The following DPP6 variants were observed in gnomAD, a reference collection of about 807,000 sequenced individuals.
The protein encoded by DPP6 is dipeptidyl peptidase like 6, also known as A-type potassium channel modulatory protein DPP6.
A neutral mutation model predicts 122.6 loss-of-function variants in DPP6; 69 were observed. That is an observed-to-expected ratio of 0.56 (90% CI 0.46 to 0.69). The LOEUF (loss-of-function observed/expected upper bound fraction) is 0.69, where lower values mean the gene tolerates loss of function less well. Among genes scored for constraint, DPP6 ranks in the 30% least tolerant of loss-of-function variants. The pLI, the probability that DPP6 is intolerant of heterozygous loss-of-function variation, is 0.00. For synonymous variants in DPP6, 418 were observed against 433.1 expected (o/e 0.97, Z 0.43); for missense variants, 928 against 1,116.9 (o/e 0.83, Z 2.41).
chr7:154,177,376 CTG>C (rs1382456435), intron 1 of DPP6, among the ~76,000 whole-genome samples: 1 of 152,146 alleles, frequency 6.6e-6, no homozygotes, highest in Non-Finnish European at 1.5e-5. Flanking sequence ...AGACATATGA[CTG>C]TAAGTGTTAA....
At chr7:154,446,990 G>T (rs1307018139) in intron 2 of DPP6, among the ~76,000 whole-genome samples, 3 of 152,176 alleles carry the variant, frequency 2.0e-5, no homozygotes, top group Non-Finnish European at 2.9e-5. Flanking sequence ...ATTAGGGAGA[G>T]AAGAAAGCCT....
intron 1 of DPP6, among the ~76,000 whole-genome samples, chr7:154,031,512 A>T (rs1023275566): frequency 6.6e-6 from 1 of 152,018 alleles, no homozygotes; most frequent in Non-Finnish European, 1.5e-5. Flanking sequence ...AGATATTCCC[A>T]TATCACAGTG....
At chr7:153,836,080 C>G in the DPP6 span, among the ~76,000 whole-genome samples, 1 of 152,248 alleles carries the variant, frequency 6.6e-6, no homozygotes. Flanking sequence ...TCTTCCTTAT[C>G]TGATCTCCAA....
chr7:154,593,724 C>T lies in DPP6; in HGVS notation c.627+26808C>T, dbSNP rs747822290. 7.2e-4 allele frequency among the ~76,000 whole-genome samples: 110 copies of T among 152,306 alleles called. 1 individual carries two copies. Among genetic ancestry groups the T allele is most frequent in the Non-Finnish European group, 1.4e-3 (97 of 68,022 alleles). Reference sequence around the variant, plus strand: ...CACCTGAGGTGTCAGTCTCCAAGAACCTGAGCCCTTTCCACACGCATGGCT... The same window carrying T: ...CACCTGAGGTGTCAGTCTCCAAGAATCTGAGCCCTTTCCACACGCATGGCT... On this transcript the variant is annotated intron_variant, in intron 5 of 25. Coordinates refer to ENST00000377770, the MANE Select transcript of DPP6 (RefSeq NM_130797.4).
intron 2 of DPP6, among the ~76,000 whole-genome samples, chr7:154,473,002 G>A (rs1205903807): frequency 6.6e-6 from 1 of 152,114 alleles, no homozygotes; most frequent in East Asian, 1.9e-4. Flanking sequence ...TCCAACGTTT[G>A]TTTAAATGGC....
intron 7 of DPP6, among the ~76,000 whole-genome samples, chr7:154,699,816 G>T (rs1472865756): frequency 6.6e-6 from 1 of 152,218 alleles, no homozygotes; most frequent in Non-Finnish European, 1.5e-5. Context: ...GTCAGGGCTG[G>T]CTTCTCCAAG....
chr7:153,809,813 T>A, the DPP6 span, among the ~76,000 whole-genome samples: 1 of 142,080 alleles, frequency 7.0e-6, no homozygotes, highest in South Asian at 2.3e-4. Context: ...GTTGGGTGAT[T>A]ATTCCTCTGC....
intron 1 of DPP6, among the ~76,000 whole-genome samples, chr7:154,113,687 C>T (rs946733971): frequency 7.9e-5 from 12 of 152,134 alleles, no homozygotes; most frequent in Non-Finnish European, 1.5e-4. Context: ...AGCATTTCCC[C>T]CATGCCTTCT....
the DPP6 span, among the ~76,000 whole-genome samples, chr7:153,855,903 C>T: frequency 1.3e-5 from 2 of 152,096 alleles, no homozygotes; most frequent in Non-Finnish European, 2.9e-5. Context: ...CCCAGTCTTA[C>T]CTTTTAAGCT....
At chr7:154,149,053 C>T (rs367978767) in intron 1 of DPP6, among the ~76,000 whole-genome samples, 1 of 152,236 alleles carries the variant, frequency 6.6e-6, no homozygotes, top group Non-Finnish European at 1.5e-5. Flanking sequence ...CAGACCTATG[C>T]TGGGCAGAAA....
the DPP6 span, among the ~76,000 whole-genome samples, chr7:153,808,084 T>C: frequency 2.6e-5 from 4 of 152,082 alleles, no homozygotes; most frequent in African/African-American, 9.7e-5. Flanking sequence ...AAATAAAAAT[T>C]GTGTATATTT....
chr7:154,387,341 T>G (rs750071879), intron 1 of DPP6, among the ~76,000 whole-genome samples: 3 of 151,452 alleles, frequency 2.0e-5, no homozygotes, highest in Non-Finnish European at 4.4e-5. Flanking sequence ...GGGGAGGGAG[T>G]CATGTCCATA....
intron 1 of DPP6, among the ~76,000 whole-genome samples, chr7:154,062,292 T>TCC (rs1298144345): frequency 1.9e-5 from 1 of 52,696 alleles, no homozygotes; most frequent in Non-Finnish European, 3.7e-5. Flanking sequence ...CAGTCCCTCT[T>TCC]CCCCCCCGGC....
chr7:153,980,149 A>T (rs1796510284), intron 1 of DPP6, among the ~76,000 whole-genome samples: 1 of 152,198 alleles, frequency 6.6e-6, no homozygotes, highest in Admixed American at 6.5e-5. Context: ...CTCTGGTAGA[A>T]TTTGGCTGTG....
intron 1 of DPP6, among the ~76,000 whole-genome samples, chr7:154,430,420 G>A (rs375655279): frequency 4.6e-5 from 7 of 152,152 alleles, no homozygotes; most frequent in Non-Finnish European, 1.0e-4. Context: ...GTGTGCTGGC[G>A]TGGTCAGGTC....
chr7:154,884,025 TACAC>T (rs1296006923), intron 21 of DPP6: 1 of 81,520 alleles, frequency 1.2e-5, no homozygotes, highest in Non-Finnish European at 2.4e-5. Flanking sequence ...CGCTCACACA[TACAC>T]TCACACACAC....
At chr7:153,879,525 G>A in the DPP6 span, among the ~76,000 whole-genome samples, 1 of 152,122 alleles carries the variant, frequency 6.6e-6, no homozygotes, top group African/African-American at 2.4e-5. Context: ...GAGTAGCTGG[G>A]ACTGCAGGTG....
At chr7:153,896,301 A>G (rs1477729793) in intron 1 of DPP6, among the ~76,000 whole-genome samples, 1 of 152,198 alleles carries the variant, frequency 6.6e-6, no homozygotes, top group East Asian at 1.9e-4. Context: ...CATTACATTA[A>G]TCTAAAAAAT....
At chr7:154,321,161 C>T (rs1210377377) in intron 1 of DPP6, among the ~76,000 whole-genome samples, 1 of 151,932 alleles carries the variant, frequency 6.6e-6, no homozygotes, top group Admixed American at 6.6e-5. Flanking sequence ...CCTGTAGTCC[C>T]AGCTACTCAA....
Sources: gnomAD v4.1 joint callset for allele counts (sites outside exome capture counted in the v4.1 genomes callset) on GRCh38, gnomAD v4.1.1 for gene constraint, MANE v1.5 for transcripts, NCBI Gene and HGNC (gene_info 2026-07-23, HGNC 2026-07-21) for gene names.